The following ANK2 variants were observed in gnomAD, a reference collection of about 807,000 sequenced individuals.
ANK2 encodes ankyrin 2, also known as ankyrin-2.
In ANK2, 83 loss-of-function variants were observed where a neutral mutation model predicts 360.5. The observed-to-expected ratio is 0.23, with a 90% CI of 0.19 to 0.28. The LOEUF (loss-of-function observed/expected upper bound fraction) is 0.28. ANK2 is among the 10% of genes least tolerant of loss of function. The pLI, the probability that ANK2 is intolerant of heterozygous loss-of-function variation, is 1.00. For missense variants in ANK2, 4,201 were observed against 4,795.7 expected, an observed-to-expected ratio of 0.88 and a Z score of 3.66; for synonymous variants, 1,740 against 1,759.5, an observed-to-expected ratio of 0.99 and a Z score of 0.28.
At chr4:113,009,246 A>C (rs2154291338) in intron 2 of ANK2, among the ~76,000 whole-genome samples, 1 of 152,320 alleles carries the variant, frequency 6.6e-6, no homozygotes, top group East Asian at 1.9e-4. Context: ...AAATGATGGC[A>C]AATCCTTGCT....
At chr4:112,781,272 G>A in the ANK2 span, among the ~76,000 whole-genome samples, 3 of 152,020 alleles carry the variant, frequency 2.0e-5, no homozygotes, top group South Asian at 4.1e-4. Context: ...GCTAATTTTT[G>A]TATTTTTAGT....
At chr4:112,903,084 G>C (rs1349132356) in intron 1 of ANK2, among the ~76,000 whole-genome samples, 1 of 152,154 alleles carries the variant, frequency 6.6e-6, no homozygotes, top group Non-Finnish European at 1.5e-5. Context: ...TTCACACTGG[G>C]CTATGGTCCT....
At chr4:113,219,204 T>A (rs1012346028) in intron 4 of ANK2, among the ~76,000 whole-genome samples, 2 of 152,140 alleles carry the variant, frequency 1.3e-5, no homozygotes, top group African/African-American at 4.8e-5. Flanking sequence ...TTTGAAAGTC[T>A]AGAAAAGTTT....
chr4:113,291,960 T>C (rs1313131921), intron 20 of ANK2, among the ~76,000 whole-genome samples: 1 of 152,226 alleles, frequency 6.6e-6, no homozygotes, highest in Non-Finnish European at 1.5e-5. Flanking sequence ...AGGAGAGTCA[T>C]GATGAACAAG....
At chr4:113,016,784 G>T (rs1238935124) in intron 2 of ANK2, among the ~76,000 whole-genome samples, 2 of 152,180 alleles carry the variant, frequency 1.3e-5, no homozygotes, top group African/African-American at 2.4e-5. Flanking sequence ...TACTGGAAAG[G>T]CTCTAAAGAA....
chr4:113,333,280 A>T (rs2092880776), intron 29 of ANK2, 72 bp downstream of exon 29: 4 of 1,538,914 alleles, frequency 2.6e-6, no homozygotes, highest in Middle Eastern at 1.8e-4. Context: ...CTTTCTTATG[A>T]CCTAGGGGTG....
the ANK2 span, among the ~76,000 whole-genome samples, chr4:112,786,261 A>AG: frequency 2.9e-4 from 44 of 152,136 alleles, 1 homozygote; most frequent in East Asian, 6.0e-3. Context: ...AAAAAAAAAA[A>AG]CTAAATTCAT....
intron 30 of ANK2, 111 bp from the exon 31 acceptor site, chr4:113,336,466 T>A: frequency 1.8e-6 from 2 of 1,083,082 alleles, no homozygotes; most frequent in South Asian, 1.6e-5. Flanking sequence ...CAAACTTATT[T>A]GTAAGATAAA....
the ANK2 span, among the ~76,000 whole-genome samples, chr4:112,714,613 A>C: frequency 6.6e-6 from 1 of 152,242 alleles, no homozygotes; most frequent in African/African-American, 2.4e-5. Flanking sequence ...AAATCAAATG[A>C]AAAAAGACAA....
At chr4:113,235,751 C>CT (rs1446532515) in intron 5 of ANK2, among the ~76,000 whole-genome samples, 7 of 136,364 alleles carry the variant, frequency 5.1e-5, no homozygotes, top group South Asian at 2.4e-4. Flanking sequence ...TGCAGTCTTT[C>CT]TTTTTTTTGA....
intron 2 of ANK2, among the ~76,000 whole-genome samples, chr4:112,910,757 A>G (rs1424406639): frequency 6.6e-6 from 1 of 152,186 alleles, no homozygotes; most frequent in Non-Finnish European, 1.5e-5. Flanking sequence ...TTTTTACCTT[A>G]GAAAGAGGAT....
chr4:112,986,728 TA>T (rs1227529444), intron 2 of ANK2, among the ~76,000 whole-genome samples: 1 of 152,196 alleles, frequency 6.6e-6, no homozygotes, highest in African/African-American at 2.4e-5. Flanking sequence ...TTTAGATTTG[TA>T]AAATATCAAA....
At chr4:113,335,507 G>A (rs2093404027) in intron 29 of ANK2, among the ~76,000 whole-genome samples, 2 of 152,096 alleles carry the variant, frequency 1.3e-5, no homozygotes. Flanking sequence ...AATAGAACAC[G>A]TTCATTTCAT....
chr4:112,996,032 A>T (rs558615860), intron 2 of ANK2, among the ~76,000 whole-genome samples: 1 of 152,366 alleles, frequency 6.6e-6, no homozygotes, highest in South Asian at 2.1e-4. Context: ...GCAGATACTT[A>T]TAGCAACTTT....
At chr4:113,089,779 G>A (rs936885041) in intron 1 of ANK2, among the ~76,000 whole-genome samples, 20 of 152,036 alleles carry the variant, frequency 1.3e-4, no homozygotes, top group African/African-American at 4.6e-4. Context: ...AGCCGAGATC[G>A]CACCACTGCA....
Position 113,357,793 on chromosome 4 carries a change from G to T in ANK2, c.9175G>T (p.Val3059Leu), listed in dbSNP as rs761458371. The change falls in exon 38 of 46, where the codon GTG becomes TTG. Residue 3059 changes from valine to leucine, a missense_variant. Around this residue, in one of 4 missense-constraint regions of ANK2, gnomAD observed 2,642 missense variants for 2,714.5 expected, o/e 0.97. Coordinates refer to ENST00000357077, the MANE Select transcript of ANK2 (RefSeq NM_001148.6). Reference sequence around the variant, plus strand: ...AGACGATGAAGCCTTTGAGGCTCGTGTGAAAGAGGAAGAACAAAAGATATT... The same window carrying T: ...AGACGATGAAGCCTTTGAGGCTCGTTTGAAAGAGGAAGAACAAAAGATATT... ...REDDEAFEAR[V>L]KEEEQKIFGL... is the part of the protein sequence containing the mutation. 6.9e-5 allele frequency: 111 copies of T among 1,613,828 alleles called. No homozygotes were observed. Among genetic ancestry groups the T allele is most frequent in the Non-Finnish European group, 9.0e-5 (106 of 1,179,940 alleles).
chr4:113,049,702 A>G lies in ANK2; in HGVS notation c.-27A>G. The stretch of plus-strand genomic sequence containing the variant: ...TACAGGCGGCACGGTTTGATGGCAG[A>G]GATATTTTCTTTCCAAACTGTTCAA... On this transcript the variant is annotated 5_prime_UTR_variant, in exon 1 of 46. Coordinates refer to ENST00000357077, the MANE Select transcript of ANK2 (RefSeq NM_001148.6). 2.5e-6 allele frequency: 4 copies of G among 1,586,534 alleles called. No homozygotes were observed. The highest frequency in any genetic ancestry group is 3.4e-6 in the Non-Finnish European group (4 of 1,163,400).
intron 2 of ANK2, among the ~76,000 whole-genome samples, chr4:112,981,982 T>C (rs1649554528): frequency 6.6e-6 from 1 of 152,170 alleles, no homozygotes; most frequent in African/African-American, 2.4e-5. Context: ...ATGATGTTTA[T>C]AGAAGCAGTG....
At chr4:112,866,270 G>A (rs1468169358) in intron 1 of ANK2, among the ~76,000 whole-genome samples, 1 of 152,130 alleles carries the variant, frequency 6.6e-6, no homozygotes, top group Non-Finnish European at 1.5e-5. Flanking sequence ...GATACAATGG[G>A]TGCTGCTTAT....
Sources: gnomAD v4.1 joint callset for allele counts (sites outside exome capture counted in the v4.1 genomes callset) on GRCh38, gnomAD v4.1.1 for gene constraint, gnomAD v4.1.1 regional missense constraint, MANE v1.5 for transcripts, NCBI Gene and HGNC (gene_info 2026-07-23, HGNC 2026-07-21) for gene names.